TIMM8B: variants seen among roughly 807,000 people sequenced by gnomAD.
The protein encoded by TIMM8B is mitochondrial import inner membrane translocase subunit Tim8 B.
In TIMM8B, 5 loss-of-function variants were observed where a neutral mutation model predicts 8.5. That is an observed-to-expected ratio of 0.59 (90% CI 0.31 to 1.24). The LOEUF is 1.24. Among genes scored for constraint, TIMM8B ranks in the 50% most tolerant of loss-of-function variants. The pLI is 0.07. For missense variants in TIMM8B, 104 were observed against 109.2 expected (o/e 0.95, Z 0.21); for synonymous variants, 44 against 39.9 (o/e 1.10, Z -0.39).
intron 1 of TIMM8B, chr11:112,086,403 G>T: frequency 2.8e-6 from 2 of 726,126 alleles, no homozygotes; most frequent in Non-Finnish European, 2.4e-6. Context: ...CCCTTGCGTC[G>T]CCCAAATCTT....
intron 1 of TIMM8B, chr11:112,086,146 A>G (rs1483450794): frequency 1.2e-6 from 1 of 853,342 alleles, no homozygotes; most frequent in Non-Finnish European, 1.7e-6. Context: ...CTTGTTCTAC[A>G]TCCATAGTCT....
At chr11:112,086,545 C>T (rs1256349114) in intron 1 of TIMM8B, 95 bp downstream of exon 1, 2 of 1,464,334 alleles carry the variant, frequency 1.4e-6, no homozygotes, top group African/African-American at 1.4e-5. Context: ...CGGGATCGAG[C>T]ACCAGTGAGC....
Position 112,085,184 on chromosome 11 carries a change from T to G in TIMM8B, c.*111A>C, listed in dbSNP as rs1314625493. The G allele has an allele frequency of 2.5e-6, 2 of 801,638 alleles. No individual in the cohort carries two copies. The highest frequency in any genetic ancestry group is 3.1e-5 in the South Asian group (1 of 32,432). 49.7% of individuals were successfully genotyped at this position (801,638 alleles called of 1,614,324 possible). ...CTTTTACTTTTTAGCACCAACAGACTTGATAACAGCCTGATGCTGATCTGA... is the reference window on the plus strand; with the variant it reads ...CTTTTACTTTTTAGCACCAACAGACGTGATAACAGCCTGATGCTGATCTGA... On this transcript the variant is annotated 3_prime_UTR_variant, in exon 2 of 2. Coordinates refer to ENST00000504148, the MANE Select transcript of TIMM8B (RefSeq NM_012459.4).
chr11:112,085,759 T>G (rs1865583343), intron 1 of TIMM8B, among the ~76,000 whole-genome samples: 1 of 151,100 alleles, frequency 6.6e-6, no homozygotes, highest in South Asian at 2.1e-4. Flanking sequence ...TGCACTCATT[T>G]TATTCCAAAC....
chr11:112,086,158 C>CA (rs1474428102), intron 1 of TIMM8B: 1 of 724,180 alleles, frequency 1.4e-6, no homozygotes, highest in Non-Finnish European at 2.1e-6. Context: ...CCATAGTCTA[C>CA]AGCGACTACT....
intron 1 of TIMM8B, 180 bp downstream of exon 1, chr11:112,086,459 TG>T: frequency 1.1e-6 from 1 of 942,394 alleles, no homozygotes; most frequent in Non-Finnish European, 1.6e-6. Context: ...CTTATATACC[TG>T]GCACCTGAGC....
intron 1 of TIMM8B, chr11:112,086,327 G>T: frequency 1.8e-6 from 1 of 560,572 alleles, no homozygotes. Flanking sequence ...GGAGCAGAGG[G>T]AGGATGAGAA....
rs538340896 is a variant in TIMM8B at position 112,085,330 on chromosome 11, G to A, written c.217C>T (p.Arg73Trp). 26 of 1,612,814 alleles carry A rather than the reference G, an allele frequency of 1.6e-5. No homozygotes were observed. In the South Asian group the frequency reaches 2.1e-4, roughly 13 times the overall value. The change falls in exon 2 of 2, where the codon CGG becomes TGG. Residue 73 changes from arginine (R) to tryptophan (W), a missense_variant. Coordinates refer to ENST00000504148, the MANE Select transcript of TIMM8B (RefSeq NM_012459.4). The part of the protein sequence containing the change: ...FIDTTLAITS[R>W]FAQIVQKGGQ ...CCTTTCTGTACAATCTGGGCAAACC[G>A]ACTGGTGATGGCAAGAGTGGTGTCA...
Position 112,085,229 on chromosome 11 carries a change from C to T in TIMM8B, c.*66G>A. On this transcript the variant is annotated 3_prime_UTR_variant, in exon 2 of 2. Coordinates refer to ENST00000504148, the MANE Select transcript of TIMM8B (RefSeq NM_012459.4). ...ATCTGACAATGGGTTGATAGCCTTC[C>T]CCCACTGACCCTTAAATCTGCTTAG... The T allele has an allele frequency of 7.3e-7, 1 of 1,372,894 alleles. No homozygotes were observed. The highest frequency in any genetic ancestry group is 1.0e-6 in the Non-Finnish European group (1 of 999,374). The allele number at this position is 1,372,894 out of a possible 1,614,324, so 85.0% of individuals were successfully genotyped here.
Position 112,085,355 on chromosome 11 carries a change from A to T in TIMM8B, c.192T>A (p.Ile64=). ...NCLSSCVDRF[I]DTTLAITSRF... ...GACTGGTGATGGCAAGAGTGGTGTC[A>T]ATGAAGCGGTCTACACAGCTGGAGA... Residue 64 remains isoleucine, a synonymous_variant, in exon 2 of 2, where the codon ATT becomes ATA. Coordinates refer to ENST00000504148, the MANE Select transcript of TIMM8B (RefSeq NM_012459.4). 1 of 1,613,540 alleles carries T rather than the reference A, an allele frequency of 6.2e-7. No individual in the cohort carries two copies. The highest frequency in any genetic ancestry group is 8.5e-7 in the Non-Finnish European group (1 of 1,179,998).
Position 112,085,161 on chromosome 11 carries a change from T to C in TIMM8B, c.*134A>G, listed in dbSNP as rs1865562083. On this transcript the variant is annotated 3_prime_UTR_variant, in exon 2 of 2. Transcript: ENST00000504148. ...ATTTCACTCTTTGAACATTTCATCT[T>C]TTACTTTTTAGCACCAACAGACTTG... 1.7e-6 allele frequency: 1 copy of C among 605,500 alleles called. No individual in the cohort carries two copies. The allele number at this position is 605,500 out of a possible 1,614,324, so 37.5% of individuals were successfully genotyped here.
At chr11:112,085,972 G>A (rs1209714601) in intron 1 of TIMM8B, 12 of 1,087,586 alleles carry the variant, frequency 1.1e-5, no homozygotes, top group South Asian at 2.5e-5. Flanking sequence ...TTTACCAAGA[G>A]CTTACTATTT....
chr11:112,086,394 C>T (rs140763670), intron 1 of TIMM8B: 16 of 692,728 alleles, frequency 2.3e-5, no homozygotes, highest in Non-Finnish European at 3.6e-5. Flanking sequence ...TCTCCCGTAC[C>T]CTTGCGTCGC....
At position 112,085,482 on chromosome 11, in the gene TIMM8B, G is replaced by T; in HGVS notation, c.85-20C>A. 1 of 1,605,776 alleles carries T rather than the reference G, an allele frequency of 6.2e-7. No homozygotes were observed. Among genetic ancestry groups the T allele is most frequent in the Non-Finnish European group, 8.5e-7 (1 of 1,174,986 alleles). Reference sequence around the variant, plus strand: ...ATGCACCTAAAAGGAAAGAAAAATAGTAACCATTGGGGTCTGCAGATAGGC... The same window carrying T: ...ATGCACCTAAAAGGAAAGAAAAATATTAACCATTGGGGTCTGCAGATAGGC... On this transcript the variant is annotated intron_variant, in intron 1 of 1. Transcript: ENST00000504148.
At chr11:112,086,356 C>T (rs1373655452) in intron 1 of TIMM8B, 1 of 609,106 alleles carries the variant, frequency 1.6e-6, no homozygotes, top group East Asian at 3.8e-5. Context: ...TTTCGAATGC[C>T]AGCCCAGTCA....
In TIMM8B at chr11:112,085,056, T is replaced by A. The variant is rs934244162; in HGVS notation, c.*239A>T. On this transcript the variant is annotated 3_prime_UTR_variant, in exon 2 of 2. Transcript: ENST00000504148. The stretch of plus-strand genomic sequence containing the variant: ...TCTATATTAAATTCTAAAATGGGAT[T>A]AAAAGAAGAGTTGGAGAATTCACAC... The A allele has an allele frequency of 5.6e-5, 21 of 374,710 alleles. No homozygotes were observed. The highest frequency in any genetic ancestry group is 1.0e-4 in the Non-Finnish European group (21 of 208,432). 23.2% of individuals were successfully genotyped at this position (374,710 alleles called of 1,614,324 possible). A position where few individuals can be genotyped will look rare whatever the true frequency, so the allele number is the denominator to read the frequency against.
intron 1 of TIMM8B, chr11:112,086,233 C>T: frequency 4.0e-6 from 2 of 499,066 alleles, no homozygotes; most frequent in Non-Finnish European, 7.6e-6. Context: ...ATATGATCCT[C>T]ACAATCCAGT....
intron 1 of TIMM8B, chr11:112,086,326 G>A (rs1865596471): frequency 5.4e-6 from 3 of 558,476 alleles, no homozygotes; most frequent in African/African-American, 3.7e-5. Context: ...AGGAGCAGAG[G>A]GAGGATGAGA....
At position 112,085,256 on chromosome 11, in the gene TIMM8B, A is replaced by G. The variant is rs1212304949; in HGVS notation, c.*39T>C. 1 of 1,572,590 alleles carries G rather than the reference A, an allele frequency of 6.4e-7. No individual in the cohort carries two copies. Among genetic ancestry groups the G allele is most frequent in the South Asian group, 1.2e-5 (1 of 86,604 alleles). The stretch of plus-strand genomic sequence containing the variant: ...CCACTGACCCTTAAATCTGCTTAGT[A>G]ACAAGTCCTTTGCTTCTGTCATTCT... On this transcript the variant is annotated 3_prime_UTR_variant, in exon 2 of 2. Coordinates refer to ENST00000504148, the MANE Select transcript of TIMM8B (RefSeq NM_012459.4).
Sources: gnomAD v4.1 joint callset for allele counts (sites outside exome capture counted in the v4.1 genomes callset) on GRCh38, gnomAD v4.1.1 for gene constraint, MANE v1.5 for transcripts, NCBI Gene and HGNC (gene_info 2026-07-23, HGNC 2026-07-21) for gene names.